The following HDAC9 variants were observed in gnomAD, a reference collection of about 807,000 sequenced individuals.
HDAC9 encodes MEF-2 interacting transcription repressor (MITR) protein.
HDAC9 carries 41 observed loss-of-function variants against 139.4 expected under a neutral mutation model. That is an observed-to-expected ratio of 0.29 (90% CI 0.23 to 0.38). HDAC9 has a LOEUF of 0.38. HDAC9 is among the 10% of genes least tolerant of loss of function. The pLI is 1.00. For synonymous variants in HDAC9, 517 were observed against 476.2 expected (o/e 1.09, Z -1.12); for missense variants, 1,147 against 1,297.0 (o/e 0.88, Z 1.78).
At chr7:18,569,118 TTC>T (rs1640245037) in intron 2 of HDAC9, among the ~76,000 whole-genome samples, 1 of 152,108 alleles carries the variant, frequency 6.6e-6, no homozygotes, top group Non-Finnish European at 1.5e-5. Context: ...TTCGCAAACT[TTC>T]TGTTAGGGGC....
intron 1 of HDAC9, among the ~76,000 whole-genome samples, chr7:18,479,988 T>C (rs1392034919): frequency 6.6e-6 from 1 of 151,270 alleles, no homozygotes; most frequent in Non-Finnish European, 1.5e-5. Flanking sequence ...CTCTGTCTTT[T>C]TTTTTTTTTT....
At chr7:18,362,745 T>C (rs908017953) in intron 1 of HDAC9, among the ~76,000 whole-genome samples, 3 of 152,204 alleles carry the variant, frequency 2.0e-5, no homozygotes, top group Admixed American at 6.5e-5. Flanking sequence ...AAATTTCATA[T>C]ACTGGCTTTC....
intron 1 of HDAC9, among the ~76,000 whole-genome samples, chr7:18,436,391 G>A (rs940538710): frequency 6.6e-6 from 1 of 152,122 alleles, no homozygotes; most frequent in African/African-American, 2.4e-5. Context: ...GAATTCTTGT[G>A]AGTAATGGTA....
At chr7:18,821,970 G>A (rs573338622) in intron 17 of HDAC9, among the ~76,000 whole-genome samples, 9 of 152,290 alleles carry the variant, frequency 5.9e-5, no homozygotes, top group African/African-American at 1.9e-4. Context: ...CATGGGAAGA[G>A]GTATGGAGGA....
chr7:18,234,960 G>A lies in HDAC9; in HGVS notation c.25+72611G>A, dbSNP rs302159. 5.5e-3 allele frequency among the ~76,000 whole-genome samples: 837 copies of A among 152,242 alleles called. 8 individuals carry two copies. The highest frequency in any genetic ancestry group is 0.019 in the African/African-American group (802 of 41,536). On this transcript the variant is annotated intron_variant, in intron 2 of 12. Transcript: ENST00000417496. ...TTTTGTTTCATCCATAGCTTCACAT[G>A]TCATCTTAGGACCCTCTATTTGGGA...
intron 8 of HDAC9, among the ~76,000 whole-genome samples, chr7:18,643,616 C>T (rs1383444067): frequency 6.6e-6 from 1 of 152,040 alleles, no homozygotes; most frequent in African/African-American, 2.4e-5. Flanking sequence ...ATGATATTTT[C>T]CCCGGTTAAT....
rs189378083 is a variant in HDAC9 at position 18,489,927 on chromosome 7, A to G, written c.-41-6335A>G. On this transcript the variant is annotated intron_variant, in intron 1 of 3. Transcript: ENST00000413509. ...CTGAGCAGGGAAAAGCTGTGCACAC[A>G]TGCCCATCATCTTAAGAGTACAATG... 7.4e-4 allele frequency among the ~76,000 whole-genome samples: 113 copies of G among 152,120 alleles called. 1 individual carries two copies. The highest frequency in any genetic ancestry group is 4.5e-3 in the Admixed American group (69 of 15,252).
chr7:18,300,659 G>T (rs1798478933), intron 1 of HDAC9, among the ~76,000 whole-genome samples: 1 of 151,974 alleles, frequency 6.6e-6, no homozygotes, highest in African/African-American at 2.4e-5. Context: ...TATAAGTAAA[G>T]ATCTTAATAA....
At chr7:18,175,454 A>G (rs1397931449) in intron 2 of HDAC9, among the ~76,000 whole-genome samples, 3 of 152,024 alleles carry the variant, frequency 2.0e-5, no homozygotes, top group African/African-American at 7.2e-5. Context: ...CTCACCCTCC[A>G]TGGGCTGTAC....
chr7:18,819,221 A>G (rs1023562109), intron 17 of HDAC9, among the ~76,000 whole-genome samples: 1 of 152,202 alleles, frequency 6.6e-6, no homozygotes, highest in South Asian at 2.1e-4. Context: ...CGGAGGTTGC[A>G]GTGAGCTGAG....
chr7:18,134,840 A>G (rs1368507989), intron 1 of HDAC9, among the ~76,000 whole-genome samples: 2 of 152,198 alleles, frequency 1.3e-5, no homozygotes. Context: ...AAATAAAGCT[A>G]TGCAAAATTG....
chr7:18,586,808 C>T (rs76919640), intron 3 of HDAC9, among the ~76,000 whole-genome samples: 1 of 151,930 alleles, frequency 6.6e-6, no homozygotes, highest in African/African-American at 2.4e-5. Flanking sequence ...TTTCTTTTGT[C>T]CCAAATGGAA....
intron 12 of HDAC9, among the ~76,000 whole-genome samples, chr7:18,700,235 G>A (rs1783365529): frequency 6.6e-6 from 1 of 152,188 alleles, no homozygotes; most frequent in South Asian, 2.1e-4. Flanking sequence ...TGTGTATGGC[G>A]ATGGGGAGAG....
chr7:18,438,848 C>G (rs757836833), intron 1 of HDAC9, among the ~76,000 whole-genome samples: 1 of 152,068 alleles, frequency 6.6e-6, no homozygotes, highest in Non-Finnish European at 1.5e-5. Context: ...TTTTATGGGA[C>G]TAAACTTTTA....
chr7:18,852,774 C>G (rs1283642053), intron 21 of HDAC9, among the ~76,000 whole-genome samples: 1 of 151,536 alleles, frequency 6.6e-6, no homozygotes, highest in Non-Finnish European at 1.5e-5. Flanking sequence ...AGGGAATGAT[C>G]TTGACATAAA....
chr7:18,392,302 C>G (rs926821930), intron 1 of HDAC9, among the ~76,000 whole-genome samples: 1 of 135,202 alleles, frequency 7.4e-6, no homozygotes, highest in Non-Finnish European at 1.5e-5. Flanking sequence ...CTCTCTCTCT[C>G]TCTCTCTCTC....
chr7:18,688,645 C>T (rs1056223693), intron 12 of HDAC9, among the ~76,000 whole-genome samples: 13 of 151,760 alleles, frequency 8.6e-5, no homozygotes, highest in African/African-American at 3.1e-4. Flanking sequence ...CACAATTACC[C>T]ACCCCACATG....
chr7:18,522,474 A>T (rs1006492474), intron 2 of HDAC9, among the ~76,000 whole-genome samples: 8 of 152,118 alleles, frequency 5.3e-5, no homozygotes, highest in Admixed American at 6.6e-5. Context: ...CTGAGGATTA[A>T]TCATGAATTC....
At chr7:18,868,627 G>C (rs1343506950) in intron 21 of HDAC9, among the ~76,000 whole-genome samples, 1 of 152,064 alleles carries the variant, frequency 6.6e-6, no homozygotes, top group Non-Finnish European at 1.5e-5. Context: ...CATAGTTCTT[G>C]CTACAGTTTT....
Sources: gnomAD v4.1 joint callset for allele counts (sites outside exome capture counted in the v4.1 genomes callset) on GRCh38, gnomAD v4.1.1 for gene constraint, MANE v1.5 for transcripts, NCBI Gene and HGNC (gene_info 2026-07-23, HGNC 2026-07-21) for gene names.